CHST11: variants seen among roughly 807,000 people sequenced by gnomAD.
The protein encoded by CHST11 is C4S-1.
Under a neutral mutation model 30.4 loss-of-function variants are expected in CHST11, and 9 were observed. The ratio of observed to expected loss-of-function variants is 0.30; its 90% CI spans 0.18 to 0.52. CHST11 has a LOEUF of 0.52. Among genes scored for constraint, CHST11 ranks in the 20% least tolerant of loss-of-function variants. The pLI is 0.97. For synonymous variants in CHST11, 152 were observed against 187.8 expected, an observed-to-expected ratio of 0.81 and a Z score of 1.56; for missense variants, 348 against 460.6, an observed-to-expected ratio of 0.76 and a Z score of 2.24.
chr12:104,540,649 G>A (rs910336930), intron 1 of CHST11, among the ~76,000 whole-genome samples: 1 of 152,194 alleles, frequency 6.6e-6, no homozygotes, highest in African/African-American at 2.4e-5. Flanking sequence ...GAATCAGAAC[G>A]ATTGATTACA....
intron 2 of CHST11, among the ~76,000 whole-genome samples, chr12:104,603,981 A>T (rs971268801): frequency 2.0e-5 from 3 of 152,142 alleles, no homozygotes; most frequent in South Asian, 4.1e-4. Context: ...GTACCTAGGA[A>T]CATATAGCTT....
chr12:104,665,812 CTTTTTTTTTTTTT>C (rs59199522), intron 2 of CHST11, among the ~76,000 whole-genome samples: 8 of 78,842 alleles, frequency 1.0e-4, no homozygotes, highest in African/African-American at 2.2e-4. Flanking sequence ...CTCTCTGTCT[CTTTTTTTTTTTTT>C]TTTTTTTTTT....
At chr12:104,533,821 T>C (rs924849974) in intron 1 of CHST11, among the ~76,000 whole-genome samples, 1 of 152,220 alleles carries the variant, frequency 6.6e-6, no homozygotes, top group Non-Finnish European at 1.5e-5. Flanking sequence ...AGCCAATGGA[T>C]GTTCAGAGAG....
At chr12:104,651,412 G>A (rs1015769539) in intron 2 of CHST11, among the ~76,000 whole-genome samples, 1 of 152,154 alleles carries the variant, frequency 6.6e-6, no homozygotes, top group Admixed American at 6.5e-5. Context: ...GTGCCGTGCC[G>A]TTCATCACTG....
chr12:104,693,400 A>G (rs767254110), intron 2 of CHST11, among the ~76,000 whole-genome samples: 4 of 152,224 alleles, frequency 2.6e-5, no homozygotes, highest in Admixed American at 6.5e-5. Context: ...TATATAATTT[A>G]TCCTCCAAAT....
intron 1 of CHST11, among the ~76,000 whole-genome samples, chr12:104,567,149 GT>G (rs1871048482): frequency 6.6e-6 from 1 of 152,188 alleles, no homozygotes; most frequent in South Asian, 2.1e-4. Context: ...TGACAAAGTA[GT>G]GTATCCCTTA....
intron 1 of CHST11, among the ~76,000 whole-genome samples, chr12:104,570,523 G>A (rs769142061): frequency 6.6e-6 from 1 of 152,110 alleles, no homozygotes; most frequent in Non-Finnish European, 1.5e-5. Context: ...TCAGGAAGAA[G>A]CCTACTCCTT....
rs116424779 is a variant in CHST11 at position 104,725,566 on chromosome 12, C to T, written c.205-31383C>T. Among the ~76,000 whole-genome samples, 658 of 151,530 alleles carry T rather than the reference C, an allele frequency of 4.3e-3. 6 individuals carry two copies. The highest frequency in any genetic ancestry group is 0.015 in the African/African-American group (620 of 41,212). On this transcript the variant is annotated intron_variant, in intron 2 of 2. Transcript: ENST00000303694. ...GCCTGCCTCCCCTGTGTCTCCTCCC[C>T]GCCGTGGTTGTTTTCTCACCTAATA...
intron 1 of CHST11, among the ~76,000 whole-genome samples, chr12:104,464,536 C>A (rs2037440576): frequency 6.6e-6 from 1 of 152,102 alleles, no homozygotes; most frequent in Admixed American, 6.6e-5. Context: ...CAGGGCCTTG[C>A]TCTATTGCCC....
intron 1 of CHST11, among the ~76,000 whole-genome samples, chr12:104,508,412 C>T (rs2141857): frequency 6.6e-6 from 1 of 152,064 alleles, no homozygotes; most frequent in East Asian, 1.9e-4. Context: ...TTGTAAAGCA[C>T]GTATCAGTGA....
chr12:104,575,461 G>C (rs933396673), intron 1 of CHST11, among the ~76,000 whole-genome samples: 1 of 152,184 alleles, frequency 6.6e-6, no homozygotes, highest in African/African-American at 2.4e-5. Context: ...AAAGGTAGTG[G>C]CATTGCAGGG....
intron 2 of CHST11, among the ~76,000 whole-genome samples, chr12:104,718,997 G>A (rs1175725173): frequency 2.0e-5 from 3 of 152,176 alleles, no homozygotes; most frequent in Admixed American, 2.0e-4. Context: ...GAACCCCAAT[G>A]CATTTCTCCT....
At chr12:104,682,950 C>A (rs928428163) in intron 2 of CHST11, among the ~76,000 whole-genome samples, 1 of 152,232 alleles carries the variant, frequency 6.6e-6, no homozygotes, top group East Asian at 1.9e-4. Flanking sequence ...CCTTCTTCTC[C>A]AGACTTGTCT....
At chr12:104,700,478 C>G (rs1247879047) in intron 2 of CHST11, among the ~76,000 whole-genome samples, 1 of 152,182 alleles carries the variant, frequency 6.6e-6, no homozygotes, top group Non-Finnish European at 1.5e-5. Flanking sequence ...CATCTAGGCT[C>G]ATATCCCATC....
chr12:104,597,860 AC>A (rs1307963643), intron 1 of CHST11, among the ~76,000 whole-genome samples: 1 of 152,178 alleles, frequency 6.6e-6, no homozygotes, highest in Non-Finnish European at 1.5e-5. Context: ...TGTTTGACTT[AC>A]CTGTCAGTGA....
At chr12:104,753,258 T>C (rs185250634) in intron 2 of CHST11, among the ~76,000 whole-genome samples, 1 of 152,346 alleles carries the variant, frequency 6.6e-6, no homozygotes. Flanking sequence ...GTTTTCCACG[T>C]TCTCATTCAT....
chr12:104,655,379 C>T (rs1299383514), intron 2 of CHST11, among the ~76,000 whole-genome samples: 8 of 152,240 alleles, frequency 5.3e-5, no homozygotes, highest in Non-Finnish European at 1.2e-4. Flanking sequence ...CCTCCAGCCT[C>T]GGCAGGATAG....
intron 2 of CHST11, among the ~76,000 whole-genome samples, chr12:104,635,440 C>T (rs1482206739): frequency 1.3e-5 from 2 of 152,152 alleles, no homozygotes; most frequent in Non-Finnish European, 2.9e-5. Flanking sequence ...ATGTAATTGC[C>T]GGTTGTCTTA....
intron 1 of CHST11, among the ~76,000 whole-genome samples, chr12:104,460,217 G>C (rs911916369): frequency 6.6e-6 from 1 of 152,200 alleles, no homozygotes; most frequent in Non-Finnish European, 1.5e-5. Context: ...AGGCAGAAGG[G>C]ACCACAGCAT....
Sources: gnomAD v4.1 joint callset for allele counts (sites outside exome capture counted in the v4.1 genomes callset) on GRCh38, gnomAD v4.1.1 for gene constraint, MANE v1.5 for transcripts, NCBI Gene and HGNC (gene_info 2026-07-23, HGNC 2026-07-21) for gene names.